Variants in PTPRT observed in about 807,000 individuals in gnomAD.
PTPRT encodes protein tyrosine phosphatase receptor type T, also known as receptor-type tyrosine-protein phosphatase T.
A neutral mutation model predicts 176.8 loss-of-function variants in PTPRT; 56 were observed. The ratio of observed to expected loss-of-function variants is 0.32; its 90% CI spans 0.26 to 0.40. The LOEUF (loss-of-function observed/expected upper bound fraction) is 0.40. Ranked by LOEUF, PTPRT falls within the 10% of genes least tolerant of loss-of-function variation. PTPRT has a pLI of 1.00. For missense variants in PTPRT, 1,540 were observed against 1,908.2 expected (o/e 0.81, Z 3.60); for synonymous variants, 783 against 739.0 (o/e 1.06, Z -0.96).
In PTPRT at chr20:43,189,540, C is replaced by T. The variant is rs2146498871; in HGVS notation, c.88+106G>A. ...GGGTTCCGGCCATGGGGACCCGCGCCCCCGCGAGCCCACACAACTTTCTCC... is the reference window on the plus strand; with the variant it reads ...GGGTTCCGGCCATGGGGACCCGCGCTCCCGCGAGCCCACACAACTTTCTCC... On this transcript the variant is annotated intron_variant, in intron 1 of 30. Transcript: ENST00000373187. This position sits in a 1 kb window ranked among gnomAD's most constrained non-coding sequence, Gnocchi z 5.0. The T allele has an allele frequency of 1.5e-6, 1 of 684,208 alleles. No individual in the cohort carries two copies. The highest frequency in any genetic ancestry group is 4.9e-5 in the Admixed American group (1 of 20,220). The allele number at this position is 684,208 out of a possible 1,614,324, so 42.4% of individuals were successfully genotyped here.
At chr20:43,118,632 G>A (rs553496955) in intron 1 of PTPRT, among the ~76,000 whole-genome samples, 1 of 152,204 alleles carries the variant, frequency 6.6e-6, no homozygotes, top group African/African-American at 2.4e-5. Flanking sequence ...TAGAGACGGG[G>A]TTTCACCGTG....
At chr20:42,827,266 C>G (rs996398044) in intron 2 of PTPRT, among the ~76,000 whole-genome samples, 2 of 152,136 alleles carry the variant, frequency 1.3e-5, no homozygotes, top group Non-Finnish European at 2.9e-5. Flanking sequence ...TTCTCATCAC[C>G]ACATGGCACA....
chr20:42,345,569 TA>T (rs2058179370), intron 11 of PTPRT, among the ~76,000 whole-genome samples: 1 of 119,130 alleles, frequency 8.4e-6, no homozygotes, highest in Admixed American at 9.8e-5. Context: ...CACATATATA[TA>T]CATACATATA....
At chr20:42,122,450 A>C (rs1411615531) in intron 19 of PTPRT, among the ~76,000 whole-genome samples, 1 of 152,176 alleles carries the variant, frequency 6.6e-6, no homozygotes, top group Admixed American at 6.5e-5. Flanking sequence ...AAGGGGTAGG[A>C]AGACCTATCC....
rs530483098 is a variant in PTPRT at position 42,763,643 on chromosome 20, C to T, written c.685-7007G>A. Among the ~76,000 whole-genome samples, 93 of 152,316 alleles carry T rather than the reference C, an allele frequency of 6.1e-4. 1 individual carries two copies. Among genetic ancestry groups the T allele is most frequent in the African/African-American group, 2.1e-3 (88 of 41,572 alleles). On this transcript the variant is annotated intron_variant, in intron 5 of 30. Coordinates refer to ENST00000373187, the MANE Select transcript of PTPRT (RefSeq NM_007050.6). ...TTCACTTCTAGTCACCCTGCTGCCA[C>T]GGCATGACATTTAGAAACTTGCTAA...
Position 42,562,035 on chromosome 20 carries a change from C to A in PTPRT, c.1154-89473G>T, listed in dbSNP as rs576984076. 9.1e-5 allele frequency among the ~76,000 whole-genome samples: 13 copies of A among 143,170 alleles called. No individual in the cohort carries two copies. The South Asian group carries it at 2.5e-3, about 28-fold the overall frequency. The allele number at this position is 143,170 out of a possible 152,430, so 93.9% of individuals were successfully genotyped here. A position where few individuals can be genotyped will look rare whatever the true frequency, so the allele number is the denominator to read the frequency against. On this transcript the variant is annotated intron_variant, in intron 7 of 30. Transcript: ENST00000373187. ...TTGGTCTAAAACATTAACTCAGAGCCAGTCACCTCACCTTCTGGGTTTCAG... is the reference window on the plus strand; with the variant it reads ...TTGGTCTAAAACATTAACTCAGAGCAAGTCACCTCACCTTCTGGGTTTCAG...
chr20:42,546,370 T>C (rs928269781), intron 7 of PTPRT, among the ~76,000 whole-genome samples: 16 of 152,084 alleles, frequency 1.1e-4, no homozygotes, highest in Non-Finnish European at 2.9e-5. Context: ...CACTCAGCAG[T>C]GTATGATTGG....
At chr20:42,936,873 A>C (rs965613132) in intron 1 of PTPRT, among the ~76,000 whole-genome samples, 3 of 152,230 alleles carry the variant, frequency 2.0e-5, no homozygotes, top group Admixed American at 6.5e-5. Context: ...AAACGAAGTA[A>C]AGACCAAGAG....
chr20:43,091,461 C>T (rs971262095), intron 1 of PTPRT, among the ~76,000 whole-genome samples: 4 of 143,044 alleles, frequency 2.8e-5, no homozygotes, highest in Non-Finnish European at 4.5e-5. Context: ...TCTCTCTCTC[C>T]CCCCTCTCTT....
chr20:42,239,460 G>C (rs527719160), intron 14 of PTPRT, among the ~76,000 whole-genome samples: 1 of 120,038 alleles, frequency 8.3e-6, no homozygotes, highest in Admixed American at 1.1e-4. Context: ...TCACTCTGTC[G>C]CCCAGGCTGG....
intron 1 of PTPRT, among the ~76,000 whole-genome samples, chr20:43,015,968 C>T (rs1358996220): frequency 6.6e-6 from 1 of 150,694 alleles, no homozygotes; most frequent in Non-Finnish European, 1.5e-5. Context: ...AAAAAGCCCA[C>T]GTCCACATTG....
chr20:42,657,633 CA>C (rs1304874258), intron 7 of PTPRT, among the ~76,000 whole-genome samples: 2 of 152,128 alleles, frequency 1.3e-5, no homozygotes, highest in Admixed American at 6.6e-5. Flanking sequence ...TCCTTGTTAT[CA>C]GATTCTGATT....
chr20:42,842,937 C>T (rs1470036998), intron 2 of PTPRT, among the ~76,000 whole-genome samples: 5 of 152,302 alleles, frequency 3.3e-5, no homozygotes, highest in East Asian at 3.9e-4. Flanking sequence ...CTAAAAGCCC[C>T]GCTTCTTAAA....
intron 7 of PTPRT, among the ~76,000 whole-genome samples, chr20:42,537,163 G>C (rs1398541554): frequency 2.0e-5 from 3 of 151,974 alleles, no homozygotes; most frequent in Admixed American, 6.6e-5. Flanking sequence ...ATGACAATAG[G>C]TTTTACAGAT....
intron 7 of PTPRT, among the ~76,000 whole-genome samples, chr20:42,531,390 G>A (rs2072381283): frequency 6.6e-6 from 1 of 152,202 alleles, no homozygotes; most frequent in African/African-American, 2.4e-5. Flanking sequence ...AGAAAGAAAG[G>A]AGGTTTCTAT....
rs1007265136 is a variant in PTPRT at position 42,080,047 on chromosome 20, C to T, written c.*832G>A. On this transcript the variant is annotated 3_prime_UTR_variant, in exon 31 of 31. Coordinates refer to ENST00000373187, the MANE Select transcript of PTPRT (RefSeq NM_007050.6). ...TTGTCTCTTCCAAAGAAAGCTACCA[C>T]CAAAGAAACACAGGGGTTACATCCT... The T allele has an allele frequency of 4.3e-6, 1 of 232,626 alleles. No homozygotes were observed. Among genetic ancestry groups the T allele is most frequent in the Non-Finnish European group, 8.5e-6 (1 of 117,732 alleles). The allele number at this position is 232,626 out of a possible 1,614,324, so 14.4% of individuals were successfully genotyped here.
At chr20:42,779,557 A>G (rs976474126) in intron 4 of PTPRT, among the ~76,000 whole-genome samples, 4 of 152,184 alleles carry the variant, frequency 2.6e-5, no homozygotes, top group African/African-American at 4.8e-5. Flanking sequence ...ACCTGTACCC[A>G]GGACTTATGG....
chr20:42,973,171 G>A (rs960466345), intron 1 of PTPRT, among the ~76,000 whole-genome samples: 1 of 151,944 alleles, frequency 6.6e-6, no homozygotes, highest in Non-Finnish European at 1.5e-5. Context: ...AAGAGTGTGA[G>A]AGGGAGAAAG....
chr20:42,931,320 G>C (rs1463486584), intron 1 of PTPRT, among the ~76,000 whole-genome samples: 1 of 152,208 alleles, frequency 6.6e-6, no homozygotes, highest in Admixed American at 6.5e-5. Flanking sequence ...ACACACTTAG[G>C]AAATGCCAGG....
Sources: allele counts gnomAD v4.1 joint callset (sites outside exome capture counted in the v4.1 genomes callset), GRCh38; gene constraint gnomAD v4.1.1; non-coding constraint Gnocchi (gnomAD v3.1); transcripts MANE v1.5; gene names NCBI Gene and HGNC (gene_info 2026-07-23, HGNC 2026-07-21).